AGAP1: variants seen among roughly 807,000 people sequenced by gnomAD.
AGAP1 encodes the protein arf-GAP with GTPase, ANK repeat and PH domain-containing protein 1.
AGAP1 carries 29 observed loss-of-function variants against 105.3 expected under a neutral mutation model. That is an observed-to-expected ratio of 0.28 (90% confidence interval 0.21 to 0.38). AGAP1 has a LOEUF of 0.38. Among genes scored for constraint, AGAP1 ranks in the 10% least tolerant of loss-of-function variants. The probability of loss-of-function intolerance (pLI) is 1.00; values close to 1 mark genes in which losing one functional copy is unlikely to be tolerated. For synonymous variants in AGAP1, 509 were observed against 485.9 expected (o/e 1.05, Z -0.63); for missense variants, 998 against 1,165.1 (o/e 0.86, Z 2.09).
intron 11 of AGAP1, among the ~76,000 whole-genome samples, chr2:235,921,169 C>T (rs181360792): frequency 4.7e-4 from 72 of 152,108 alleles, no homozygotes; most frequent in African/African-American, 1.7e-3. Flanking sequence ...TTGTTTATAG[C>T]CAGAAATTGG....
In AGAP1 at chr2:235,864,104, G is replaced by A. The variant is rs555399207; in HGVS notation, c.1051-19241G>A. On this transcript the variant is annotated intron_variant, in intron 9 of 17. Transcript: ENST00000304032. The surrounding 1 kb of genome is among the most constrained non-coding windows in gnomAD (Gnocchi z 5.0). ...GAATGCGCAAGCGGGCCGTTCCCAC[G>A]TGATTTAATAAACAGTTGCTGTAGC... Among the ~76,000 whole-genome samples the A allele has an allele frequency of 1.3e-5, 2 of 152,334 alleles. No homozygotes were observed. Among genetic ancestry groups the A allele is most frequent in the South Asian group, 2.1e-4 (1 of 4,830 alleles).
At chr2:235,821,183 T>C (rs1958766274) in intron 9 of AGAP1, among the ~76,000 whole-genome samples, 1 of 152,206 alleles carries the variant, frequency 6.6e-6, no homozygotes. Flanking sequence ...GTTAAATTAG[T>C]AATTGCTAAC....
chr2:235,562,882 T>C (rs933440525), intron 1 of AGAP1, among the ~76,000 whole-genome samples: 4 of 151,578 alleles, frequency 2.6e-5, no homozygotes, highest in Non-Finnish European at 4.4e-5. Flanking sequence ...CATGGGGAGA[T>C]CCCCATCTCT....
rs1431278424 is a variant in AGAP1 at position 235,600,967 on chromosome 2, T to A, written c.163+106118T>A. Among the ~76,000 whole-genome samples, 1 of 152,142 alleles carries A rather than the reference T, an allele frequency of 6.6e-6. No individual in the cohort carries two copies. The highest frequency in any genetic ancestry group is 2.4e-5 in the African/African-American group (1 of 41,432). ...GTGCTCACTTTATTTTTACTGCTTG[T>A]TGTTCTGGCCCCAGATCTCAGAGTC... On this transcript the variant is annotated intron_variant, in intron 1 of 17. Transcript: ENST00000304032. This position sits in a 1 kb window ranked among gnomAD's most constrained non-coding sequence, Gnocchi z 4.8.
chr2:235,590,098 C>A (rs1230716004), intron 1 of AGAP1, among the ~76,000 whole-genome samples: 1 of 152,078 alleles, frequency 6.6e-6, no homozygotes, highest in Non-Finnish European at 1.5e-5. Flanking sequence ...GCAGGCTGGT[C>A]TCGAACTCCT....
At chr2:235,500,389 G>A (rs931277297) in intron 1 of AGAP1, among the ~76,000 whole-genome samples, 4 of 152,156 alleles carry the variant, frequency 2.6e-5, no homozygotes, top group Admixed American at 6.5e-5. Flanking sequence ...GGAGCAGGAC[G>A]CACGAATGTG....
rs1410403815 is a variant in AGAP1 at position 235,600,288 on chromosome 2, C to T, written c.163+105439C>T. Among the ~76,000 whole-genome samples, 1 of 152,166 alleles carries T rather than the reference C, an allele frequency of 6.6e-6. No homozygotes were observed. The highest frequency in any genetic ancestry group is 2.4e-5 in the African/African-American group (1 of 41,436). On this transcript the variant is annotated intron_variant, in intron 1 of 17. Transcript: ENST00000304032. The surrounding 1 kb of genome is among the most constrained non-coding windows in gnomAD (Gnocchi z 4.8). ...CAGTGTGCCTGCTTCCAGGGGGCTG[C>T]TCCTAAGGGAGGTGCTGGCACTACC...
At chr2:235,778,646 C>T (rs891500141) in intron 6 of AGAP1, among the ~76,000 whole-genome samples, 2 of 152,184 alleles carry the variant, frequency 1.3e-5, no homozygotes, top group South Asian at 2.1e-4. Context: ...TGACTGGAGA[C>T]GCAGTGCCAG....
At chr2:235,630,718 G>T (rs968921114) in intron 1 of AGAP1, among the ~76,000 whole-genome samples, 1 of 152,206 alleles carries the variant, frequency 6.6e-6, no homozygotes, top group Non-Finnish European at 1.5e-5. Context: ...CTCTGCCCTG[G>T]TGTGCCCCTC....
intron 9 of AGAP1, among the ~76,000 whole-genome samples, chr2:235,811,236 G>A (rs1958122285): frequency 6.6e-6 from 1 of 152,188 alleles, no homozygotes; most frequent in African/African-American, 2.4e-5. Flanking sequence ...GCCCTTCGCA[G>A]AGCCCCGGCC....
At position 235,961,127 on chromosome 2, in the gene AGAP1, G is replaced by T. The variant is rs58163375; in HGVS notation, c.1484-7335G>T. ...AGGCCTGCCTTCCTGAAGCTCGAGC[G>T]CTCATAGGGAAGATGTTCCGTAAAC... On this transcript the variant is annotated intron_variant, in intron 12 of 17. Coordinates refer to ENST00000304032, the MANE Select transcript of AGAP1 (RefSeq NM_001037131.3). This position sits in a 1 kb window ranked among gnomAD's most constrained non-coding sequence, Gnocchi z 5.9. 0.019 allele frequency among the ~76,000 whole-genome samples: 2,949 copies of T among 152,332 alleles called. 91 individuals are homozygous for T. Among genetic ancestry groups the T allele is most frequent in the African/African-American group, 0.067 (2,798 of 41,580 alleles).
intron 9 of AGAP1, among the ~76,000 whole-genome samples, chr2:235,835,812 A>T (rs1299673502): frequency 6.6e-6 from 1 of 152,212 alleles, no homozygotes; most frequent in Non-Finnish European, 1.5e-5. Context: ...AATGATTTTG[A>T]TACTGCTTCT....
intron 16 of AGAP1, among the ~76,000 whole-genome samples, chr2:236,100,893 T>C (rs1420810824): frequency 1.3e-5 from 2 of 152,116 alleles, no homozygotes; most frequent in Admixed American, 1.3e-4. Flanking sequence ...TTGTTGGATT[T>C]TCTCTGGAAA....
intron 9 of AGAP1, among the ~76,000 whole-genome samples, chr2:235,822,943 A>G (rs1958878414): frequency 6.6e-6 from 1 of 152,172 alleles, no homozygotes; most frequent in Non-Finnish European, 1.5e-5. Context: ...ATGTTTGTCA[A>G]GCAACAGATG....
Position 235,882,394 on chromosome 2 carries a change from T to C in AGAP1, c.1051-951T>C, listed in dbSNP as rs114031361. On this transcript the variant is annotated intron_variant, in intron 9 of 17. Coordinates refer to ENST00000304032, the MANE Select transcript of AGAP1 (RefSeq NM_001037131.3). The surrounding 1 kb of genome is among the most constrained non-coding windows in gnomAD (Gnocchi z 4.6). ...ATTTCACTCCGCTTCTGCCCAGTGGTCTCTTTGGTCGGCAGGGTGTTCTTC... is the reference window on the plus strand; with the variant it reads ...ATTTCACTCCGCTTCTGCCCAGTGGCCTCTTTGGTCGGCAGGGTGTTCTTC... The C allele has an allele frequency of 2.2e-3, 3,378 of 1,566,292 alleles. 61 individuals carry two copies. The African/African-American group carries it at 0.038, about 18-fold the overall frequency.
chr2:235,785,299 C>A (rs1232678412), intron 6 of AGAP1, among the ~76,000 whole-genome samples: 6 of 152,056 alleles, frequency 3.9e-5, no homozygotes, highest in African/African-American at 9.7e-5. Context: ...TTCTAAACTC[C>A]TTCTTCTGTT....
chr2:236,103,046 C>T (rs1030709587), intron 16 of AGAP1, among the ~76,000 whole-genome samples: 3 of 127,936 alleles, frequency 2.3e-5, no homozygotes, highest in Non-Finnish European at 3.2e-5. Flanking sequence ...GGTGCCACAT[C>T]TCCAGGGCCC....
At chr2:236,081,644 T>G (rs887368122) in intron 16 of AGAP1, among the ~76,000 whole-genome samples, 1 of 150,300 alleles carries the variant, frequency 6.7e-6, no homozygotes, top group Admixed American at 6.7e-5. Flanking sequence ...AAGTAATGTT[T>G]CCAGTCTGCT....
At chr2:235,704,539 G>A (rs549674995) in intron 1 of AGAP1, among the ~76,000 whole-genome samples, 1 of 152,316 alleles carries the variant, frequency 6.6e-6, no homozygotes, top group African/African-American at 2.4e-5. Context: ...CCAGCTACTC[G>A]AGAGGCTGAG....
Sources: allele counts gnomAD v4.1 joint callset (sites outside exome capture counted in the v4.1 genomes callset), GRCh38; gene constraint gnomAD v4.1.1; non-coding constraint Gnocchi (gnomAD v3.1); transcripts MANE v1.5; gene names NCBI Gene and HGNC (gene_info 2026-07-23, HGNC 2026-07-21).